RPH3AL: variants seen among roughly 807,000 people sequenced by gnomAD.
RPH3AL encodes rabphilin 3A like (without C2 domains).
RPH3AL carries 38 observed loss-of-function variants against 43.1 expected under a neutral mutation model. That is an observed-to-expected ratio of 0.88 (90% CI 0.68 to 1.15). RPH3AL has a LOEUF of 1.15. Ranked by LOEUF, RPH3AL falls within the 50% of genes most tolerant of loss-of-function variation. RPH3AL has a pLI of 0.00. For missense variants in RPH3AL, 462 were observed against 423.2 expected (o/e 1.09, Z -0.81); for synonymous variants, 189 against 176.3 (o/e 1.07, Z -0.57).
At chr17:231,174 C>T (rs1374740947) in intron 7 of RPH3AL, among the ~76,000 whole-genome samples, 1 of 152,226 alleles carries the variant, frequency 6.6e-6, no homozygotes, top group Non-Finnish European at 1.5e-5. Context: ...CTGTCTCTCC[C>T]TCCCCAGGTC....
chr17:305,844 C>G (rs1032926224), intron 5 of RPH3AL, among the ~76,000 whole-genome samples: 1 of 137,778 alleles, frequency 7.3e-6, no homozygotes, highest in African/African-American at 2.6e-5. Context: ...TTTCTTCCTT[C>G]CCTCCCTCCC....
chr17:332,626 C>T (rs2044812053), intron 2 of RPH3AL: 2 of 203,372 alleles, frequency 9.8e-6, no homozygotes, highest in Admixed American at 5.2e-5. Flanking sequence ...CCCAGACATG[C>T]TCAGAGCAGA....
rs1228921779 is a variant in RPH3AL at position 328,723 on chromosome 17, G to GATTTACAATGGATTATT, written c.-36-1161_-36-1145dup. 6.6e-6 allele frequency among the ~76,000 whole-genome samples: 1 copy of GATTTACAATGGATTATT among 152,092 alleles called. No individual in the cohort carries two copies. Among genetic ancestry groups the GATTTACAATGGATTATT allele is most frequent in the Non-Finnish European group, 1.5e-5 (1 of 68,032 alleles). On this transcript the variant is annotated intron_variant, in intron 2 of 9. Transcript: ENST00000331302. The surrounding 1 kb of genome is among the most constrained non-coding windows in gnomAD (Gnocchi z 4.2). ...ATGATTATTATTTACAATGGATTAT[G>GATTTACAATGGATTATT]ATTTACAATGGATTATTATTTACAA...
At chr17:219,861 T>C (rs1357871338) in intron 7 of RPH3AL, 125 bp from the exon 8 acceptor site, 1 of 686,064 alleles carries the variant, frequency 1.5e-6, no homozygotes, top group African/African-American at 1.8e-5. Context: ...AGCTGGCCCT[T>C]TCGCTTTGGG....
In RPH3AL at chr17:323,285, C is replaced by T. The variant is rs1346291065; in HGVS notation, c.78-1870G>A. ...TTAAAAAAAAAAAAACTGCAATGCC[C>T]TAGACCAACGCTTTCCAAGCAGTGC... On this transcript the variant is annotated intron_variant, in intron 3 of 9. Transcript: ENST00000331302. The surrounding 1 kb of genome is among the most constrained non-coding windows in gnomAD (Gnocchi z 4.4). 6.6e-6 allele frequency among the ~76,000 whole-genome samples: 1 copy of T among 151,986 alleles called. No individual in the cohort carries two copies. Among genetic ancestry groups the T allele is most frequent in the African/African-American group, 2.4e-5 (1 of 41,330 alleles).
chr17:268,581 G>A (rs1351666355), intron 6 of RPH3AL, among the ~76,000 whole-genome samples: 1 of 48,720 alleles, frequency 2.1e-5, no homozygotes, highest in African/African-American at 7.2e-5. Context: ...TTTTTTTTGA[G>A]GCAGGATCTC....
intron 5 of RPH3AL, among the ~76,000 whole-genome samples, chr17:315,488 C>T (rs2043977704): frequency 6.7e-6 from 1 of 149,130 alleles, no homozygotes; most frequent in Non-Finnish European, 1.5e-5. Context: ...CTCCATTGAC[C>T]TGTAGTCCCT....
chr17:277,684 G>T (rs995664841), intron 6 of RPH3AL, among the ~76,000 whole-genome samples: 9 of 152,296 alleles, frequency 5.9e-5, no homozygotes, highest in African/African-American at 2.2e-4. Flanking sequence ...GCCAGGTGTA[G>T]TGGCTCACGC....
chr17:349,546 G>A (rs907549649), intron 1 of RPH3AL, among the ~76,000 whole-genome samples: 47 of 152,212 alleles, frequency 3.1e-4, no homozygotes, highest in African/African-American at 1.1e-3. Context: ...AAATGACTGG[G>A]CACAGTGGAC....
In RPH3AL at chr17:232,829, CGTGTGTGTGTGTGTGTGTGTGTGTGT is replaced by C. The variant is rs71143481; in HGVS notation, c.614-13119_614-13094del. On this transcript the variant is annotated intron_variant, in intron 7 of 9. Coordinates refer to ENST00000331302, the MANE Select transcript of RPH3AL (RefSeq NM_006987.4). The stretch of plus-strand genomic sequence containing the variant: ...CTTGTCTCTAAACAGTCCTTTCCGG[CGTGTGTGTGTGTGTGTGTGTGTGTGT>C]GTGTGTGTGTGTGTGTGTGTGTGTG... 7.0e-4 allele frequency among the ~76,000 whole-genome samples: 84 copies of C among 119,520 alleles called. 1 individual carries two copies. Among genetic ancestry groups the C allele is most frequent in the African/African-American group, 1.5e-3 (45 of 30,514 alleles). 78.4% of individuals were successfully genotyped at this position (119,520 alleles called of 152,430 possible). A position where few individuals can be genotyped will look rare whatever the true frequency, so the allele number is the denominator to read the frequency against.
chr17:290,350 G>C lies in RPH3AL; in HGVS notation c.352-8496C>G, dbSNP rs1216478494. 2.6e-5 allele frequency among the ~76,000 whole-genome samples: 4 copies of C among 152,174 alleles called. No homozygotes were observed. The highest frequency in any genetic ancestry group is 9.6e-5 in the African/African-American group (4 of 41,452). On this transcript the variant is annotated intron_variant, in intron 5 of 9. Coordinates refer to ENST00000331302, the MANE Select transcript of RPH3AL (RefSeq NM_006987.4). The surrounding 1 kb of genome is among the most constrained non-coding windows in gnomAD (Gnocchi z 4.2). The stretch of plus-strand genomic sequence containing the variant: ...GGGTATGGAGCATAAACCCAGGCTG[G>C]CCCGGCCACAGGGGAAATGACTCCG...
At chr17:269,079 C>T (rs926874818) in intron 6 of RPH3AL, among the ~76,000 whole-genome samples, 16 of 152,252 alleles carry the variant, frequency 1.1e-4, no homozygotes, top group East Asian at 5.8e-4. Flanking sequence ...GGGGTTTCAC[C>T]GTGTTAGCCA....
chr17:325,642 T>C (rs2044601908), intron 3 of RPH3AL, among the ~76,000 whole-genome samples: 1 of 152,212 alleles, frequency 6.6e-6, no homozygotes, highest in Non-Finnish European at 1.5e-5. Flanking sequence ...CCGCCTGTTA[T>C]CACCGTCAAA....
chr17:257,468 C>T (rs62056577), intron 6 of RPH3AL, among the ~76,000 whole-genome samples: 197 of 3,932 alleles, frequency 0.05, 1 homozygote, highest in African/African-American at 0.061. Context: ...AGCTGCACGG[C>T]GTCTGTCCTT....
intron 5 of RPH3AL, among the ~76,000 whole-genome samples, chr17:315,604 A>ATTGACATGTAGTGC (rs2044004678): frequency 1.5e-5 from 2 of 130,354 alleles, no homozygotes; most frequent in Non-Finnish European, 3.1e-5. Context: ...CTCCACCTCC[A>ATTGACATGTAGTGC]CTGAACTCTA....
chr17:309,114 T>C (rs1014637333), intron 5 of RPH3AL, among the ~76,000 whole-genome samples: 4 of 152,072 alleles, frequency 2.6e-5, no homozygotes, highest in African/African-American at 7.2e-5. Context: ...CTGGGCAACA[T>C]AGCAGACCCT....
rs1345368972 is a variant in RPH3AL at position 328,706 on chromosome 17, TATTTACAATGGATTATG to T, written c.-36-1144_-36-1128del. ...TGTGCTATATCCATACGATGATTAT[TATTTACAATGGATTATG>T]ATTTACAATGGATTATTATTTACAA... is the stretch of plus-strand genomic sequence containing the variant. On this transcript the variant is annotated intron_variant, in intron 2 of 9. Coordinates refer to ENST00000331302, the MANE Select transcript of RPH3AL (RefSeq NM_006987.4). The surrounding 1 kb of genome is among the most constrained non-coding windows in gnomAD (Gnocchi z 4.2). Among the ~76,000 whole-genome samples the T allele has an allele frequency of 1.6e-4, 24 of 152,156 alleles. No homozygotes were observed. In the East Asian group the frequency reaches 2.5e-3, roughly 16 times the overall value.
chr17:304,627 C>A (rs1359052098), intron 5 of RPH3AL, among the ~76,000 whole-genome samples: 4 of 152,060 alleles, frequency 2.6e-5, no homozygotes, highest in African/African-American at 9.7e-5. Flanking sequence ...GACGATTCCA[C>A]CCGGCCAGGG....
At position 328,923 on chromosome 17, in the gene RPH3AL, C is replaced by T. The variant is rs2044681694; in HGVS notation, c.-36-1344G>A. Reference sequence around the variant, plus strand: ...TATGATTCCGTTTATACAGTGTGTCCAGAATAAGCAAATCTAGAGAGACGG... The same window carrying T: ...TATGATTCCGTTTATACAGTGTGTCTAGAATAAGCAAATCTAGAGAGACGG... On this transcript the variant is annotated intron_variant, in intron 2 of 9. Coordinates refer to ENST00000331302, the MANE Select transcript of RPH3AL (RefSeq NM_006987.4). The surrounding 1 kb of genome is among the most constrained non-coding windows in gnomAD (Gnocchi z 4.2). 6.6e-6 allele frequency among the ~76,000 whole-genome samples: 1 copy of T among 152,054 alleles called. No individual in the cohort carries two copies. Among genetic ancestry groups the T allele is most frequent in the Admixed American group, 6.6e-5 (1 of 15,266 alleles).
Sources: gnomAD v4.1 joint callset for allele counts (sites outside exome capture counted in the v4.1 genomes callset) on GRCh38, gnomAD v4.1.1 for gene constraint, Gnocchi (gnomAD v3.1) non-coding constraint, MANE v1.5 for transcripts, NCBI Gene and HGNC (gene_info 2026-07-23, HGNC 2026-07-21) for gene names.